CDH12: variants seen among roughly 807,000 people sequenced by gnomAD.
CDH12 encodes the protein cadherin-12.
In CDH12, 41 loss-of-function variants were observed where a neutral mutation model predicts 74.1. The ratio of observed to expected loss-of-function variants is 0.55; its 90% confidence interval spans 0.43 to 0.72. CDH12 has a LOEUF of 0.72. Among genes scored for constraint, CDH12 ranks in the 30% least tolerant of loss-of-function variants. CDH12 has a pLI of 0.00. For missense variants in CDH12, 945 were observed against 977.2 expected (o/e 0.97, Z 0.44); for synonymous variants, 399 against 355.0 (o/e 1.12, Z -1.39).
chr5:22,249,841 T>C (rs1241428610), intron 3 of CDH12, among the ~76,000 whole-genome samples: 1 of 148,808 alleles, frequency 6.7e-6, no homozygotes, highest in Non-Finnish European at 1.5e-5. Context: ...ATATTTTAAT[T>C]GCAATGGATT....
intron 1 of CDH12, among the ~76,000 whole-genome samples, chr5:22,613,058 G>A (rs1009375157): frequency 2.0e-5 from 3 of 152,022 alleles, no homozygotes; most frequent in African/African-American, 7.2e-5. Flanking sequence ...TGTAGGTGAG[G>A]TAAAGAAGAA....
intron 1 of CDH12, among the ~76,000 whole-genome samples, chr5:22,668,180 G>C (rs268976): frequency 0.76 from 115,265 of 152,020 alleles, 44,346 homozygotes; most frequent in African/African-American, 0.89. Flanking sequence ...ATAGAAAAAG[G>C]AAATCTTCTA....
chr5:22,650,990 T>C (rs984316794), intron 1 of CDH12, among the ~76,000 whole-genome samples: 2 of 152,078 alleles, frequency 1.3e-5, no homozygotes, highest in Non-Finnish European at 2.9e-5. Flanking sequence ...TATTAGTAGT[T>C]AGTGTATTTC....
intron 5 of CDH12, among the ~76,000 whole-genome samples, chr5:21,991,184 G>A (rs529253155): frequency 1.2e-3 from 180 of 151,804 alleles, no homozygotes; most frequent in African/African-American, 4.2e-3. Flanking sequence ...CGCTCCCAGG[G>A]AGTCAGTTTT....
chr5:21,988,771 A>G (rs552594952), intron 5 of CDH12, among the ~76,000 whole-genome samples: 2 of 152,138 alleles, frequency 1.3e-5, no homozygotes, highest in African/African-American at 2.4e-5. Context: ...TAAATTTTCA[A>G]CTTTCTGTAG....
intron 1 of CDH12, among the ~76,000 whole-genome samples, chr5:22,663,896 CA>C (rs1426613325): frequency 1.3e-5 from 2 of 151,684 alleles, no homozygotes; most frequent in Non-Finnish European, 2.9e-5. Context: ...CTTTTTTAAC[CA>C]CTTTTTTTTT....
intron 3 of CDH12, among the ~76,000 whole-genome samples, chr5:22,238,823 T>C (rs2150379520): frequency 6.6e-6 from 1 of 152,338 alleles, no homozygotes; most frequent in East Asian, 1.9e-4. Flanking sequence ...CTTGTCCATT[T>C]TGAGGTTGGG....
At chr5:22,474,583 A>T (rs962669623) in intron 2 of CDH12, among the ~76,000 whole-genome samples, 35 of 152,250 alleles carry the variant, frequency 2.3e-4, no homozygotes, top group African/African-American at 7.9e-4. Context: ...TGGTAGAGTT[A>T]TGGTGATGAA....
intron 4 of CDH12, among the ~76,000 whole-genome samples, chr5:22,148,255 AC>A (rs1384616006): frequency 2.0e-5 from 3 of 152,294 alleles, no homozygotes; most frequent in African/African-American, 4.8e-5. Flanking sequence ...ACTAAAAGCT[AC>A]TATTTATTAA....
intron 3 of CDH12, among the ~76,000 whole-genome samples, chr5:22,386,490 A>G (rs1191317879): frequency 6.6e-6 from 1 of 152,154 alleles, no homozygotes. Flanking sequence ...TCCTTATTTC[A>G]ATAGTCTTGA....
intron 1 of CDH12, among the ~76,000 whole-genome samples, chr5:22,657,733 T>C (rs578187891): frequency 6.6e-6 from 1 of 152,248 alleles, no homozygotes; most frequent in African/African-American, 2.4e-5. Flanking sequence ...CTCACGTGCT[T>C]TCAAAATAAG....
chr5:22,450,364 C>G (rs1425387028), intron 2 of CDH12, among the ~76,000 whole-genome samples: 1 of 151,886 alleles, frequency 6.6e-6, no homozygotes, highest in Non-Finnish European at 1.5e-5. Context: ...AAATATGGAT[C>G]CACCTCCTTT....
At chr5:21,906,226 A>C (rs991747906) in intron 6 of CDH12, among the ~76,000 whole-genome samples, 1 of 152,220 alleles carries the variant, frequency 6.6e-6, no homozygotes, top group Non-Finnish European at 1.5e-5. Context: ...AATTACTTGA[A>C]GCAGACAGGT....
At chr5:22,179,378 T>A (rs1749515530) in intron 4 of CDH12, among the ~76,000 whole-genome samples, 1 of 152,162 alleles carries the variant, frequency 6.6e-6, no homozygotes, top group Non-Finnish European at 1.5e-5. Context: ...GGAGATTTAG[T>A]ACTATAAATA....
intron 3 of CDH12, among the ~76,000 whole-genome samples, chr5:22,252,762 C>A (rs1753177853): frequency 6.6e-6 from 1 of 151,772 alleles, no homozygotes; most frequent in Non-Finnish European, 1.5e-5. Flanking sequence ...TCTTTCCTGC[C>A]TTTTTTCCCC....
intron 3 of CDH12, among the ~76,000 whole-genome samples, chr5:22,260,968 T>C (rs967649807): frequency 6.6e-6 from 1 of 151,962 alleles, no homozygotes; most frequent in African/African-American, 2.4e-5. Flanking sequence ...GTTATACATA[T>C]TATCATAAAG....
At chr5:22,820,798 C>T (rs1749657731) in intron 1 of CDH12, among the ~76,000 whole-genome samples, 1 of 152,132 alleles carries the variant, frequency 6.6e-6, no homozygotes, top group South Asian at 2.1e-4. Context: ...CGAATTCTAC[C>T]AGAGGTACAA....
intron 1 of CDH12, among the ~76,000 whole-genome samples, chr5:22,733,889 T>C (rs561041891): frequency 6.6e-6 from 1 of 151,836 alleles, no homozygotes; most frequent in East Asian, 1.9e-4. Flanking sequence ...TGCTATCCTA[T>C]AACCAAATAG....
intron 1 of CDH12, among the ~76,000 whole-genome samples, chr5:22,661,406 C>G (rs1238774640): frequency 2.0e-5 from 3 of 152,162 alleles, no homozygotes; most frequent in Non-Finnish European, 2.9e-5. Flanking sequence ...TAGCACTACT[C>G]CAATGCAGAC....
Sources: allele counts gnomAD v4.1 joint callset (sites outside exome capture counted in the v4.1 genomes callset), GRCh38; gene constraint gnomAD v4.1.1; transcripts MANE v1.5; gene names NCBI Gene and HGNC (gene_info 2026-07-23, HGNC 2026-07-21).